The following NUDCD3 variants were observed in gnomAD, a reference collection of about 807,000 sequenced individuals.
NUDCD3 encodes the protein NudC domain containing 3.
NUDCD3 carries 13 observed loss-of-function variants against 39.7 expected under a neutral mutation model. The ratio of observed to expected loss-of-function variants is 0.33; its 90% CI spans 0.21 to 0.52. NUDCD3 has a LOEUF of 0.52. Ranked by LOEUF, NUDCD3 falls within the 20% of genes least tolerant of loss-of-function variation. NUDCD3 has a pLI of 0.96. For missense variants in NUDCD3, 453 were observed against 458.1 expected (o/e 0.99, Z 0.10); for synonymous variants, 175 against 172.4 (o/e 1.02, Z -0.12).
chr7:44,438,846 G>A (rs1799518059), intron 2 of NUDCD3, among the ~76,000 whole-genome samples: 2 of 152,200 alleles, frequency 1.3e-5, no homozygotes, highest in Admixed American at 6.5e-5. Flanking sequence ...ATGCAGGTAC[G>A]TGCATACCTG....
intron 3 of NUDCD3, chr7:44,426,096 G>T (rs1799230059): frequency 8.1e-6 from 8 of 984,170 alleles, no homozygotes; most frequent in Non-Finnish European, 9.7e-6. Context: ...GCTGTGACCT[G>T]GGTTCTTTGC....
chr7:44,460,827 A>G (rs1202434452), intron 2 of NUDCD3, among the ~76,000 whole-genome samples: 5 of 152,222 alleles, frequency 3.3e-5, no homozygotes, highest in African/African-American at 1.2e-4. Context: ...CAAATACTAT[A>G]AAACATTACT....
At chr7:44,421,227 G>C (rs1443369167) in intron 3 of NUDCD3, among the ~76,000 whole-genome samples, 1 of 151,806 alleles carries the variant, frequency 6.6e-6, no homozygotes, top group African/African-American at 2.4e-5. Context: ...CCAGCTACAT[G>C]GGAGGCTGAG....
At chr7:44,392,518 A>C in intron 4 of NUDCD3, 33 bp from the exon 5 acceptor site, 1 of 1,596,330 alleles carries the variant, frequency 6.3e-7, no homozygotes, top group Non-Finnish European at 8.6e-7. Flanking sequence ...CCTGAGTCAG[A>C]GACCTGAGAC....
intron 2 of NUDCD3, among the ~76,000 whole-genome samples, chr7:44,483,504 C>G (rs951033605): frequency 6.6e-6 from 1 of 152,098 alleles, no homozygotes; most frequent in Non-Finnish European, 1.5e-5. Context: ...TGCCTTCCAC[C>G]CTATACTCCC....
intron 2 of NUDCD3, among the ~76,000 whole-genome samples, chr7:44,429,555 C>T (rs1423615777): frequency 6.6e-6 from 1 of 152,154 alleles, no homozygotes; most frequent in African/African-American, 2.4e-5. Context: ...TGTGAAGAAT[C>T]AACATTTTTC....
intron 3 of NUDCD3, among the ~76,000 whole-genome samples, chr7:44,425,035 C>T (rs1190414543): frequency 6.6e-6 from 1 of 152,154 alleles, no homozygotes; most frequent in Non-Finnish European, 1.5e-5. Context: ...AGCAAATTAA[C>T]ACAGGAACAG....
At chr7:44,390,832 A>G (rs774112165) in intron 5 of NUDCD3, among the ~76,000 whole-genome samples, 30 of 152,224 alleles carry the variant, frequency 2.0e-4, no homozygotes, top group Non-Finnish European at 1.8e-4. Context: ...CATAACTGGA[A>G]TGAGCCATAA....
At chr7:44,432,219 T>C (rs1279879720) in intron 2 of NUDCD3, among the ~76,000 whole-genome samples, 1 of 152,054 alleles carries the variant, frequency 6.6e-6, no homozygotes, top group East Asian at 1.9e-4. Flanking sequence ...GCGTTTAAGG[T>C]TATAATGAAC....
intron 5 of NUDCD3, among the ~76,000 whole-genome samples, chr7:44,386,708 T>G (rs1187299642): frequency 2.0e-5 from 3 of 152,120 alleles, no homozygotes; most frequent in African/African-American, 7.2e-5. Context: ...AGTCAGGAAT[T>G]CCCCACTGCA....
At chr7:44,469,811 G>A (rs1800215491) in intron 2 of NUDCD3, among the ~76,000 whole-genome samples, 1 of 150,070 alleles carries the variant, frequency 6.7e-6, no homozygotes, top group Non-Finnish European at 1.5e-5. Context: ...AAACTATAAT[G>A]AGGGACATTC....
intron 2 of NUDCD3, among the ~76,000 whole-genome samples, chr7:44,459,355 T>C (rs1799964762): frequency 6.6e-6 from 1 of 152,046 alleles, no homozygotes. Flanking sequence ...TGCACCACCA[T>C]GCCTGGCTAA....
intron 5 of NUDCD3, among the ~76,000 whole-genome samples, chr7:44,388,233 G>GT (rs1563162186): frequency 6.6e-6 from 1 of 152,236 alleles, no homozygotes; most frequent in East Asian, 1.9e-4. Context: ...GAGCACGCTG[G>GT]TAACTGTGAC....
chr7:44,410,233 G>A (rs1279636224), intron 3 of NUDCD3, among the ~76,000 whole-genome samples: 1 of 152,084 alleles, frequency 6.6e-6, no homozygotes, highest in African/African-American at 2.4e-5. Context: ...TGTCAAAAAA[G>A]CCAAGTCAAT....
intron 2 of NUDCD3, among the ~76,000 whole-genome samples, chr7:44,473,893 G>A (rs1028526360): frequency 5.3e-5 from 8 of 152,306 alleles, no homozygotes; most frequent in South Asian, 2.1e-4. Context: ...GGTTGACTAT[G>A]AGGCATTGGT....
chr7:44,443,596 A>T (rs747338624), intron 2 of NUDCD3, among the ~76,000 whole-genome samples: 17 of 152,100 alleles, frequency 1.1e-4, no homozygotes, highest in Non-Finnish European at 2.1e-4. Flanking sequence ...TTTTTAGTAG[A>T]GACGGGGTTT....
Position 44,383,804 on chromosome 7 carries a change from A to G in NUDCD3, c.*2207T>C, listed in dbSNP as rs1291010842. On this transcript the variant is annotated 3_prime_UTR_variant, in exon 6 of 6. Transcript: ENST00000355451. ...GTGTGCCAGCTCTGGAGACTGGGCC[A>G]GTCCAGGGTGGTGGCTCAGGGCAGA... The G allele has an allele frequency of 6.6e-6, 1 of 152,242 alleles. No homozygotes were observed. Among genetic ancestry groups the G allele is most frequent in the Admixed American group, 6.5e-5 (1 of 15,284 alleles). The allele number at this position is 152,242 out of a possible 1,614,324, so 9.4% of individuals were successfully genotyped here. A position where few individuals can be genotyped will look rare whatever the true frequency, so the allele number is the denominator to read the frequency against.
At chr7:44,462,241 CT>C (rs1298409609) in intron 2 of NUDCD3, among the ~76,000 whole-genome samples, 1 of 152,096 alleles carries the variant, frequency 6.6e-6, no homozygotes, top group Admixed American at 6.5e-5. Flanking sequence ...TTTAAGGTAA[CT>C]TTAGTCAAGG....
chr7:44,437,432 G>C (rs568417167), intron 2 of NUDCD3, among the ~76,000 whole-genome samples: 1 of 152,230 alleles, frequency 6.6e-6, no homozygotes, highest in South Asian at 2.1e-4. Context: ...TGTACCAGAA[G>C]TTCGTCTATG....
Sources: allele counts gnomAD v4.1 joint callset (sites outside exome capture counted in the v4.1 genomes callset), GRCh38; gene constraint gnomAD v4.1.1; transcripts MANE v1.5; gene names NCBI Gene and HGNC (gene_info 2026-07-23, HGNC 2026-07-21).